Variants in DLGAP2 observed in about 807,000 individuals in gnomAD.
DLGAP2 encodes the protein disks large-associated protein 2.
Under a neutral mutation model 100.3 loss-of-function variants are expected in DLGAP2, and 26 were observed. The observed-to-expected ratio is 0.26, with a 90% CI of 0.19 to 0.36. The LOEUF is 0.36. Among genes scored for constraint, DLGAP2 ranks in the 10% least tolerant of loss-of-function variants. The pLI, the probability that DLGAP2 is intolerant of heterozygous loss-of-function variation, is 1.00. For missense variants in DLGAP2, 1,858 were observed against 1,453.2 expected (o/e 1.28, Z -4.53); for synonymous variants, 886 against 630.1 (o/e 1.41, Z -6.08).
chr8:1,129,230 C>T (rs113226134), intron 2 of DLGAP2, among the ~76,000 whole-genome samples: 5,024 of 152,028 alleles, frequency 0.033, 114 homozygotes, highest in Non-Finnish European at 0.04. Flanking sequence ...ATGGTGAAAA[C>T]CCGTCTCTAG....
intron 4 of DLGAP2, among the ~76,000 whole-genome samples, chr8:1,539,960 C>G (rs554225826): frequency 3.9e-5 from 6 of 152,190 alleles, no homozygotes; most frequent in Admixed American, 3.9e-4. Context: ...TTCTCTGCTC[C>G]TATGGCCTCC....
chr8:1,421,947 C>G (rs975254554), intron 3 of DLGAP2, among the ~76,000 whole-genome samples: 1 of 151,936 alleles, frequency 6.6e-6, no homozygotes, highest in Non-Finnish European at 1.5e-5. Flanking sequence ...GCCTGGGCGA[C>G]AAAGTGAGAC....
At chr8:1,037,938 A>G (rs1802183058) in intron 2 of DLGAP2, among the ~76,000 whole-genome samples, 1 of 152,176 alleles carries the variant, frequency 6.6e-6, no homozygotes, top group Non-Finnish European at 1.5e-5. Flanking sequence ...GCTTGACCAC[A>G]CTTTGAGAAC....
At chr8:1,220,598 T>C (rs993859122) in intron 2 of DLGAP2, among the ~76,000 whole-genome samples, 2 of 147,942 alleles carry the variant, frequency 1.4e-5, no homozygotes, top group African/African-American at 2.4e-5. Flanking sequence ...GAGAGTATTC[T>C]GTAGATATCT....
chr8:1,375,027 A>G (rs1434407818), intron 3 of DLGAP2, among the ~76,000 whole-genome samples: 1 of 152,216 alleles, frequency 6.6e-6, no homozygotes, highest in Non-Finnish European at 1.5e-5. Flanking sequence ...ACTGGGGAGC[A>G]TGCTACTGAG....
At chr8:893,742 G>T (rs916205077) in intron 1 of DLGAP2, among the ~76,000 whole-genome samples, 1 of 152,248 alleles carries the variant, frequency 6.6e-6, no homozygotes, top group Non-Finnish European at 1.5e-5. Context: ...GAAAATGTTT[G>T]CAGAGCACCA....
intron 3 of DLGAP2, among the ~76,000 whole-genome samples, chr8:1,337,314 G>A (rs955982008): frequency 2.9e-5 from 2 of 67,804 alleles, no homozygotes; most frequent in Non-Finnish European, 6.3e-5. Flanking sequence ...ATGATGTGAT[G>A]GTGAGAATGA....
chr8:1,330,903 G>A (rs1801142537), intron 3 of DLGAP2, among the ~76,000 whole-genome samples: 1 of 149,818 alleles, frequency 6.7e-6, no homozygotes, highest in South Asian at 2.1e-4. Flanking sequence ...AGTTCTGTGT[G>A]GGAGCACCAC....
chr8:1,363,804 C>G (rs1049750405), intron 3 of DLGAP2, among the ~76,000 whole-genome samples: 1 of 152,230 alleles, frequency 6.6e-6, no homozygotes, highest in Admixed American at 6.5e-5. Context: ...GCCTCAGAGG[C>G]TGCGGGTGTG....
chr8:872,579 T>C (rs1797619127), intron 1 of DLGAP2, among the ~76,000 whole-genome samples: 1 of 152,198 alleles, frequency 6.6e-6, no homozygotes, highest in African/African-American at 2.4e-5. Context: ...TCCACCCACC[T>C]TGGCCTCCCA....
chr8:832,310 C>A (rs1796798400), intron 1 of DLGAP2, among the ~76,000 whole-genome samples: 1 of 152,268 alleles, frequency 6.6e-6, no homozygotes, highest in African/African-American at 2.4e-5. Flanking sequence ...CTGAATGGTA[C>A]TGCCTAGGTT....
At position 906,818 on chromosome 8, in the gene DLGAP2, G is replaced by C. The variant is rs543145508; in HGVS notation, c.19-1094G>C. Among the ~76,000 whole-genome samples the C allele has an allele frequency of 7.2e-4, 110 of 152,308 alleles. 2 individuals carry two copies. Among genetic ancestry groups the C allele is most frequent in the African/African-American group, 2.6e-3 (108 of 41,558 alleles). ...TAATTCCACATTTTGCACAGCATTT[G>C]CTAGGTACTAAAACTCATTATTGTT... On this transcript the variant is annotated intron_variant, in intron 1 of 14. Transcript: ENST00000637795.
intron 1 of DLGAP2, among the ~76,000 whole-genome samples, chr8:815,457 A>G (rs2132676757): frequency 6.6e-6 from 1 of 152,344 alleles, no homozygotes; most frequent in Non-Finnish European, 1.5e-5. Flanking sequence ...TGAGATTAAA[A>G]TGGCAGATAA....
intron 3 of DLGAP2, among the ~76,000 whole-genome samples, chr8:1,364,374 C>T (rs1439103376): frequency 6.6e-6 from 1 of 152,108 alleles, no homozygotes; most frequent in Non-Finnish European, 1.5e-5. Context: ...CTGCCACGTG[C>T]GGAATGAGGA....
In DLGAP2 at chr8:995,210, C is replaced by T. The variant is rs114002197; in HGVS notation, c.73+87244C>T. Among the ~76,000 whole-genome samples the T allele has an allele frequency of 4.3e-3, 648 of 152,124 alleles. 6 individuals are homozygous for T. The highest frequency in any genetic ancestry group is 0.015 in the African/African-American group (607 of 41,502). ...AAGCAGTATAATTTTTTCACATTAC[C>T]GTATAAAACAACTGTTTTGTGGGAG... On this transcript the variant is annotated intron_variant, in intron 2 of 14. Transcript: ENST00000637795.
At chr8:1,481,016 CA>C (rs776799175) in intron 3 of DLGAP2, among the ~76,000 whole-genome samples, 36 of 151,312 alleles carry the variant, frequency 2.4e-4, no homozygotes, top group African/African-American at 8.5e-4. Flanking sequence ...ACTAAAAATA[CA>C]AAAAATTAGC....
intron 13 of DLGAP2, among the ~76,000 whole-genome samples, chr8:1,694,737 A>G (rs1424112681): frequency 6.6e-6 from 1 of 152,088 alleles, no homozygotes; most frequent in Non-Finnish European, 1.5e-5. Context: ...TTCCTATCCA[A>G]TGGACGCCGG....
chr8:978,511 A>T (rs59864121), intron 2 of DLGAP2, among the ~76,000 whole-genome samples: 1,961 of 30,784 alleles, frequency 0.064, no homozygotes, highest in Middle Eastern at 0.17. Context: ...GTCTTTGGTG[A>T]CGTGGGGAGG....
rs373384410 is a variant in DLGAP2, at chr8:1,467,075, G to A, written c.107-34291G>A. 5.6e-4 allele frequency among the ~76,000 whole-genome samples: 85 copies of A among 152,220 alleles called. 1 individual carries two copies. The East Asian group carries it at 0.011, about 21-fold the overall frequency. ...ATAAAGAAGACGGATGCCCGGCCCC[G>A]GGACCAGGATGGTCAGTCCCAGATC... On this transcript the variant is annotated intron_variant, in intron 3 of 14. Coordinates refer to ENST00000637795, the MANE Select transcript of DLGAP2 (RefSeq NM_001346810.2).
Sources: gnomAD v4.1 joint callset for allele counts (sites outside exome capture counted in the v4.1 genomes callset) on GRCh38, gnomAD v4.1.1 for gene constraint, MANE v1.5 for transcripts, NCBI Gene and HGNC (gene_info 2026-07-23, HGNC 2026-07-21) for gene names.